The following ZNF423 variants were observed in gnomAD, a reference collection of about 807,000 sequenced individuals.
ZNF423 encodes Ebf-associated zinc finger protein.
ZNF423 carries 12 observed loss-of-function variants against 95.8 expected under a neutral mutation model. That is an observed-to-expected ratio of 0.13 (90% CI 0.08 to 0.20). ZNF423 has a LOEUF of 0.20. Ranked by LOEUF, ZNF423 falls within the 10% of genes least tolerant of loss-of-function variation. The pLI is 1.00. For missense variants in ZNF423, 1,316 were observed against 1,737.1 expected, an observed-to-expected ratio of 0.76 and a Z score of 4.31; for synonymous variants, 749 against 711.9, an observed-to-expected ratio of 1.05 and a Z score of -0.83.
intron 3 of ZNF423, among the ~76,000 whole-genome samples, chr16:49,680,260 C>G (rs2031294241): frequency 6.6e-6 from 1 of 152,210 alleles, no homozygotes; most frequent in Non-Finnish European, 1.5e-5. Flanking sequence ...GTTGGGCGAC[C>G]TGCCCATGGG....
chr16:49,665,509 G>A (rs1376504301), intron 3 of ZNF423, among the ~76,000 whole-genome samples: 1 of 152,194 alleles, frequency 6.6e-6, no homozygotes, highest in African/African-American at 2.4e-5. Context: ...GCAGGATGAA[G>A]AATTCACCAA....
At chr16:49,786,641 C>A (rs7199299) in intron 2 of ZNF423, among the ~76,000 whole-genome samples, 3,419 of 152,334 alleles carry the variant, frequency 0.022, 128 homozygotes, top group African/African-American at 0.078. Flanking sequence ...CTCAGCTCTC[C>A]ACCTCCCGAT....
chr16:49,715,196 A>G (rs181172393), intron 3 of ZNF423, among the ~76,000 whole-genome samples: 2 of 152,360 alleles, frequency 1.3e-5, no homozygotes, highest in African/African-American at 4.8e-5. Flanking sequence ...GGCAGAGACA[A>G]TAATTCAAAA....
chr16:49,604,904 G>C (rs1329724392), intron 5 of ZNF423, among the ~76,000 whole-genome samples: 1 of 152,224 alleles, frequency 6.6e-6, no homozygotes, highest in Non-Finnish European at 1.5e-5. Flanking sequence ...CAGATCCTGG[G>C]AGGGCAGAAT....
chr16:49,589,848 T>A (rs1237987557), intron 5 of ZNF423, among the ~76,000 whole-genome samples: 2 of 151,868 alleles, frequency 1.3e-5, no homozygotes, highest in Admixed American at 6.6e-5. Flanking sequence ...AACGGCACAT[T>A]CCTCGCCATA....
At chr16:49,808,010 G>C (rs2034692473) in intron 1 of ZNF423, among the ~76,000 whole-genome samples, 1 of 151,988 alleles carries the variant, frequency 6.6e-6, no homozygotes, top group Non-Finnish European at 1.5e-5. Context: ...TCCCTAAGCA[G>C]CGTTACTCAA....
rs536121349 is a variant in ZNF423, at chr16:49,615,181, T to C, written c.3601+10989A>G. Among the ~76,000 whole-genome samples, 14 of 141,784 alleles carry C rather than the reference T, an allele frequency of 9.9e-5. No homozygotes were observed. The South Asian group carries it at 3.0e-3, about 31-fold the overall frequency. The allele number at this position is 141,784 out of a possible 152,430, so 93.0% of individuals were successfully genotyped here. ...ACACACACACGGGGCAGGGGGGTAATGAGCACCAGCATTCTTCCCAGGCTA... is the reference window on the plus strand; with the variant it reads ...ACACACACACGGGGCAGGGGGGTAACGAGCACCAGCATTCTTCCCAGGCTA... On this transcript the variant is annotated intron_variant, in intron 5 of 7. Coordinates refer to ENST00000563137, the MANE Select transcript of ZNF423 (RefSeq NM_001379286.1).
At chr16:49,767,065 C>T (rs948159684) in intron 2 of ZNF423, among the ~76,000 whole-genome samples, 4 of 151,928 alleles carry the variant, frequency 2.6e-5, no homozygotes, top group African/African-American at 9.7e-5. Flanking sequence ...GTCTTGAACT[C>T]CTGGGCTCAA....
intron 7 of ZNF423, among the ~76,000 whole-genome samples, chr16:49,504,008 A>G (rs1294766213): frequency 6.6e-6 from 1 of 152,206 alleles, no homozygotes; most frequent in Non-Finnish European, 1.5e-5. Flanking sequence ...GGTGGAATGA[A>G]TTATTATATG....
chr16:49,503,789 T>G (rs1046691173), intron 7 of ZNF423, among the ~76,000 whole-genome samples: 1 of 152,116 alleles, frequency 6.6e-6, no homozygotes, highest in African/African-American at 2.4e-5. Flanking sequence ...AGCCTGTGCT[T>G]GGTAAAAACT....
chr16:49,635,894 C>T lies in ZNF423; in HGVS notation c.3282G>A (p.Gly1094=). The change falls in exon 4 of 8, where the codon GGG becomes GGA. Residue 1094 remains glycine, a synonymous_variant. Coordinates refer to ENST00000563137, the MANE Select transcript of ZNF423 (RefSeq NM_001379286.1). The surrounding 1 kb of genome is among the most constrained non-coding windows in gnomAD (Gnocchi z 4.8). ...AGCCGGCGCAGAGGCCGTAGGGCAG[C>T]CCATTGACGTCAAGCTTCACCAGGT... ...KQDLVKLDVN[G]LPYGLCAGCM... 6.3e-7 allele frequency: 1 copy of T among 1,581,778 alleles called. No individual in the cohort carries two copies. Among genetic ancestry groups the T allele is most frequent in the South Asian group, 1.2e-5 (1 of 84,982 alleles).
chr16:49,574,974 A>G (rs1250058134), intron 5 of ZNF423, among the ~76,000 whole-genome samples: 1 of 152,158 alleles, frequency 6.6e-6, no homozygotes, highest in Non-Finnish European at 1.5e-5. Flanking sequence ...TTAAACTGCT[A>G]GAAGGCCCAG....
At chr16:49,835,414 C>A (rs1280528372) in intron 1 of ZNF423, among the ~76,000 whole-genome samples, 1 of 152,236 alleles carries the variant, frequency 6.6e-6, no homozygotes, top group Non-Finnish European at 1.5e-5. Flanking sequence ...CCCCACATCC[C>A]CGCAGAGGCG....
chr16:49,679,449 C>A lies in ZNF423; in HGVS notation c.302-40575G>T, dbSNP rs369360619. Among the ~76,000 whole-genome samples, 9 of 152,378 alleles carry A rather than the reference C, an allele frequency of 5.9e-5. No individual in the cohort carries two copies. The East Asian group carries it at 1.5e-3, about 26-fold the overall frequency. On this transcript the variant is annotated intron_variant, in intron 3 of 7. Coordinates refer to ENST00000563137, the MANE Select transcript of ZNF423 (RefSeq NM_001379286.1). The stretch of plus-strand genomic sequence containing the variant: ...TGCCTGCTCCTGCTGCCTGGCTTCT[C>A]CCTGCTCCCAGCACCCTCTCTGATT...
intron 5 of ZNF423, among the ~76,000 whole-genome samples, chr16:49,620,336 C>A (rs1972027215): frequency 6.6e-6 from 1 of 152,148 alleles, no homozygotes; most frequent in Non-Finnish European, 1.5e-5. Context: ...AGAGGACACA[C>A]AAGGACAGAA....
rs1183080060 is a variant in ZNF423 at position 49,845,108 on chromosome 16, TTTTG to T, written c.40+10623_40+10626del. Among the ~76,000 whole-genome samples the T allele has an allele frequency of 3.3e-5, 5 of 151,626 alleles. No homozygotes were observed. The East Asian group carries it at 9.7e-4, about 29-fold the overall frequency. ...GACCCAGAAGATTGAGGCCAGATTT[TTTTG>T]TTTGTTTGTGTTTTTTGGGGTTTTT... On this transcript the variant is annotated intron_variant, in intron 1 of 7. Transcript: ENST00000563137.
chr16:49,719,793 C>G (rs182272491), intron 3 of ZNF423, among the ~76,000 whole-genome samples: 4 of 152,330 alleles, frequency 2.6e-5, no homozygotes, highest in East Asian at 3.9e-4. Flanking sequence ...AATTAAAAAC[C>G]TCTTTTCTTC....
intron 1 of ZNF423, among the ~76,000 whole-genome samples, chr16:49,797,874 G>A (rs534360722): frequency 6.6e-6 from 1 of 152,136 alleles, no homozygotes; most frequent in Non-Finnish European, 1.5e-5. Context: ...CCCAATATAT[G>A]GGCATCTCAC....
chr16:49,505,756 G>A (rs983327920), intron 7 of ZNF423, among the ~76,000 whole-genome samples: 2 of 152,212 alleles, frequency 1.3e-5, no homozygotes, highest in Non-Finnish European at 2.9e-5. Context: ...CACCCAGAAA[G>A]GCAGGGCTCC....
Sources: allele counts gnomAD v4.1 joint callset (sites outside exome capture counted in the v4.1 genomes callset), GRCh38; gene constraint gnomAD v4.1.1; non-coding constraint Gnocchi (gnomAD v3.1); transcripts MANE v1.5; gene names NCBI Gene and HGNC (gene_info 2026-07-23, HGNC 2026-07-21).